Variants in SUGCT observed in about 807,000 individuals in gnomAD.
The protein encoded by SUGCT is succinyl-CoA:glutarate-CoA transferase.
In SUGCT, 41 loss-of-function variants were observed where a neutral mutation model predicts 55.0. The observed-to-expected ratio is 0.74, with a 90% CI of 0.58 to 0.97. SUGCT has a LOEUF of 0.97. Ranked by LOEUF, SUGCT falls within the 50% of genes least tolerant of loss-of-function variation. SUGCT has a pLI of 0.00. For synonymous variants in SUGCT, 187 were observed against 200.4 expected, an observed-to-expected ratio of 0.93 and a Z score of 0.56; for missense variants, 568 against 547.8, an observed-to-expected ratio of 1.04 and a Z score of -0.37.
At chr7:40,738,035 A>G (rs1011205725) in intron 12 of SUGCT, among the ~76,000 whole-genome samples, 2 of 151,438 alleles carry the variant, frequency 1.3e-5, no homozygotes, top group Non-Finnish European at 2.9e-5. Context: ...CCCCGTTTCT[A>G]CTAAAAATAC....
chr7:40,721,238 T>C (rs1786319149), intron 12 of SUGCT, among the ~76,000 whole-genome samples: 1 of 152,118 alleles, frequency 6.6e-6, no homozygotes, highest in Non-Finnish European at 1.5e-5. Flanking sequence ...GAGGGGAAGG[T>C]GTAAATATCA....
intron 9 of SUGCT, among the ~76,000 whole-genome samples, chr7:40,379,250 G>A (rs1383545806): frequency 6.6e-6 from 1 of 152,156 alleles, no homozygotes; most frequent in Admixed American, 6.5e-5. Context: ...AACTACCAGA[G>A]AATAAATTCC....
At chr7:40,740,392 T>C (rs922359478) in intron 12 of SUGCT, among the ~76,000 whole-genome samples, 9 of 151,228 alleles carry the variant, frequency 6.0e-5, no homozygotes, top group Non-Finnish European at 1.2e-4. Flanking sequence ...TATTTGTTCC[T>C]TTTATTTTTA....
intron 12 of SUGCT, among the ~76,000 whole-genome samples, chr7:40,747,188 G>T (rs955511753): frequency 6.6e-6 from 1 of 152,120 alleles, no homozygotes; most frequent in Non-Finnish European, 1.5e-5. Context: ...ATCTCTGTGT[G>T]GTGTGTTATC....
At chr7:40,953,532 C>G in the SUGCT span, among the ~76,000 whole-genome samples, 1 of 152,168 alleles carries the variant, frequency 6.6e-6, no homozygotes. Context: ...GGTCTTCTGA[C>G]TTTTAGAATT....
At chr7:40,609,085 T>C (rs1361856798) in intron 12 of SUGCT, among the ~76,000 whole-genome samples, 1 of 152,182 alleles carries the variant, frequency 6.6e-6, no homozygotes, top group Non-Finnish European at 1.5e-5. Flanking sequence ...ATAAATGGGC[T>C]CCTATTCTCT....
the SUGCT span, among the ~76,000 whole-genome samples, chr7:40,892,084 G>C: frequency 6.6e-6 from 1 of 152,096 alleles, no homozygotes; most frequent in Non-Finnish European, 1.5e-5. Flanking sequence ...TGTAGAAGTG[G>C]TGAATAAGTC....
At chr7:41,014,904 G>A in the SUGCT span, among the ~76,000 whole-genome samples, 5 of 152,170 alleles carry the variant, frequency 3.3e-5, no homozygotes, top group Non-Finnish European at 7.3e-5. Flanking sequence ...AATTGAGAAT[G>A]ATCAAATAAA....
the SUGCT span, among the ~76,000 whole-genome samples, chr7:40,908,830 G>A: frequency 6.6e-6 from 1 of 152,144 alleles, no homozygotes; most frequent in Admixed American, 6.5e-5. Context: ...TGATGACTTA[G>A]TAAAGAAAAT....
chr7:40,329,872 C>G (rs1271414821), intron 9 of SUGCT, among the ~76,000 whole-genome samples: 1 of 152,168 alleles, frequency 6.6e-6, no homozygotes, highest in Admixed American at 6.5e-5. Context: ...CTGATATACA[C>G]ATTGATTATT....
In SUGCT at chr7:40,345,355, T is replaced by C. The variant is rs540148939; in HGVS notation, c.816+28500T>C. Among the ~76,000 whole-genome samples the C allele has an allele frequency of 4.6e-5, 7 of 152,324 alleles. 1 individual carries two copies. The South Asian group carries it at 1.4e-3, about 32-fold the overall frequency. On this transcript the variant is annotated intron_variant, in intron 9 of 13. Coordinates refer to ENST00000335693, the MANE Select transcript of SUGCT (RefSeq NM_001193313.2). The stretch of plus-strand genomic sequence containing the variant: ...AATGTCACAAATATTTTTATTCTTG[T>C]ATTACATATATGTATACCTTTAAAC...
chr7:40,697,464 A>T (rs1218555626), intron 12 of SUGCT, among the ~76,000 whole-genome samples: 3 of 152,066 alleles, frequency 2.0e-5, no homozygotes, highest in African/African-American at 7.2e-5. Flanking sequence ...GTGAAACCCC[A>T]TCTCTACTAA....
intron 9 of SUGCT, among the ~76,000 whole-genome samples, chr7:40,353,608 T>A (rs1797745294): frequency 6.6e-6 from 1 of 152,206 alleles, no homozygotes; most frequent in East Asian, 1.9e-4. Context: ...TTTTCTGTGC[T>A]TTACATCTCA....
intron 13 of SUGCT, 54 bp from the exon 14 acceptor site, chr7:40,860,262 A>C: frequency 6.2e-7 from 1 of 1,609,248 alleles, no homozygotes; most frequent in Non-Finnish European, 8.5e-7. Context: ...TTAGGTAATT[A>C]ATTTCGTAGG....
At chr7:40,405,808 TAA>T (rs60966218) in intron 9 of SUGCT, among the ~76,000 whole-genome samples, 14,463 of 91,288 alleles carry the variant, frequency 0.16, 1,024 homozygotes, top group East Asian at 0.49. Flanking sequence ...AGACTCTGTC[TAA>T]AAAAAAAAAA....
intron 12 of SUGCT, among the ~76,000 whole-genome samples, chr7:40,626,911 A>G (rs1253983047): frequency 2.6e-5 from 4 of 152,182 alleles, no homozygotes; most frequent in African/African-American, 7.2e-5. Flanking sequence ...ATATCAGCAT[A>G]TTTACCGAGT....
At chr7:40,603,203 A>G (rs974893462) in intron 12 of SUGCT, among the ~76,000 whole-genome samples, 5 of 152,190 alleles carry the variant, frequency 3.3e-5, no homozygotes, top group African/African-American at 1.2e-4. Flanking sequence ...TGATTTTCCA[A>G]AGTTCAGACT....
At chr7:40,158,273 C>T (rs923385403) in intron 1 of SUGCT, among the ~76,000 whole-genome samples, 6 of 152,184 alleles carry the variant, frequency 3.9e-5, no homozygotes, top group African/African-American at 1.4e-4. Flanking sequence ...ATGTTTTATA[C>T]ATATTTACTT....
intron 6 of SUGCT, among the ~76,000 whole-genome samples, chr7:40,196,629 A>G (rs1199420595): frequency 2.0e-5 from 3 of 152,176 alleles, no homozygotes; most frequent in African/African-American, 7.2e-5. Context: ...AGTGAACCAC[A>G]TAGCTACTGG....
Sources: gnomAD v4.1 joint callset for allele counts (sites outside exome capture counted in the v4.1 genomes callset) on GRCh38, gnomAD v4.1.1 for gene constraint, MANE v1.5 for transcripts, NCBI Gene and HGNC (gene_info 2026-07-23, HGNC 2026-07-21) for gene names.